The following IL20RB variants were observed in gnomAD, a reference collection of about 807,000 sequenced individuals.
IL20RB encodes interleukin-20 receptor subunit beta.
Under a neutral mutation model 33.3 loss-of-function variants are expected in IL20RB, and 21 were observed. That is an observed-to-expected ratio of 0.63 (90% CI 0.45 to 0.91). IL20RB has a LOEUF of 0.91. IL20RB is among the 40% of genes least tolerant of loss of function. The probability of loss-of-function intolerance (pLI) is 0.00; values close to 1 mark genes in which losing one functional copy is unlikely to be tolerated. For synonymous variants in IL20RB, 147 were observed against 146.8 expected (o/e 1.00, Z -0.01); for missense variants, 345 against 384.8 (o/e 0.90, Z 0.86).
intron 1 of IL20RB, among the ~76,000 whole-genome samples, chr3:136,970,014 TTTTG>T (rs374458054): frequency 8.4e-4 from 127 of 151,992 alleles, no homozygotes; most frequent in Admixed American, 7.9e-4. Context: ...TAGATTGAGG[TTTTG>T]TTTGTTTGTT....
chr3:136,994,699 C>T (rs1035507752), intron 5 of IL20RB, among the ~76,000 whole-genome samples: 8 of 152,256 alleles, frequency 5.3e-5, no homozygotes, highest in African/African-American at 1.2e-4. Flanking sequence ...ATGCTCAGAT[C>T]GGGCCTTTTC....
chr3:136,996,692 T>C (rs1942134594), intron 6 of IL20RB, among the ~76,000 whole-genome samples: 1 of 152,226 alleles, frequency 6.6e-6, no homozygotes, highest in Non-Finnish European at 1.5e-5. Context: ...CTGATACTAG[T>C]ACAGAGCTAA....
intron 5 of IL20RB, among the ~76,000 whole-genome samples, chr3:136,992,464 T>C (rs1165069297): frequency 2.0e-5 from 3 of 152,228 alleles, no homozygotes; most frequent in African/African-American, 7.2e-5. Context: ...TGCTACGTTG[T>C]ATAACACCAC....
chr3:136,987,516 C>T (rs890064687), intron 3 of IL20RB, among the ~76,000 whole-genome samples: 4 of 152,264 alleles, frequency 2.6e-5, no homozygotes, highest in Non-Finnish European at 5.9e-5. Flanking sequence ...AGGAGGCCAG[C>T]TGGCTTCACC....
rs111301551 is a variant in IL20RB at position 136,995,672 on chromosome 3, A to G, written c.825+116A>G. The G allele has an allele frequency of 4.9e-3, 4,587 of 929,416 alleles. 21 individuals carry two copies. The highest frequency in any genetic ancestry group is 6.7e-3 in the Non-Finnish European group (4,037 of 605,180). 57.6% of individuals were successfully genotyped at this position (929,416 alleles called of 1,614,324 possible). A position where few individuals can be genotyped will look rare whatever the true frequency, so the allele number is the denominator to read the frequency against. On this transcript the variant is annotated intron_variant, in intron 6 of 6. Coordinates refer to ENST00000329582, the MANE Select transcript of IL20RB (RefSeq NM_144717.4). ...CTATCATGAGATTATAGGCATCTGC[A>G]CAGAGAGGGGAGAGGAATACTTATA...
chr3:136,975,439 A>G (rs1410307515), intron 1 of IL20RB, among the ~76,000 whole-genome samples: 1 of 152,102 alleles, frequency 6.6e-6, no homozygotes, highest in Non-Finnish European at 1.5e-5. Flanking sequence ...TCCGGGTTCA[A>G]GCAATTCTCC....
At chr3:136,972,393 C>T (rs1180027142) in intron 1 of IL20RB, among the ~76,000 whole-genome samples, 1 of 152,142 alleles carries the variant, frequency 6.6e-6, no homozygotes, top group African/African-American at 2.4e-5. Context: ...ATTAATTCTT[C>T]TTTGTATGTT....
intron 3 of IL20RB, among the ~76,000 whole-genome samples, 156 bp downstream of exon 3, chr3:136,982,506 T>C (rs573743958): frequency 2.5e-4 from 38 of 152,292 alleles, no homozygotes; most frequent in Admixed American, 2.0e-3. Flanking sequence ...ATTTGAAAAA[T>C]TGCCAACTGC....
At chr3:137,003,326 T>A (rs555931815) in intron 6 of IL20RB, among the ~76,000 whole-genome samples, 1 of 152,336 alleles carries the variant, frequency 6.6e-6, no homozygotes, top group African/African-American at 2.4e-5. Flanking sequence ...GGTAGCTTGA[T>A]GGGGATGGCA....
intron 1 of IL20RB, among the ~76,000 whole-genome samples, chr3:136,966,190 T>C (rs966959911): frequency 7.0e-6 from 1 of 142,584 alleles, no homozygotes; most frequent in African/African-American, 2.8e-5. Context: ...GGTTTTGGTA[T>C]CAGAATGATG....
intron 1 of IL20RB, among the ~76,000 whole-genome samples, chr3:136,974,890 A>G (rs1168849644): frequency 6.6e-6 from 1 of 152,162 alleles, no homozygotes; most frequent in Non-Finnish European, 1.5e-5. Flanking sequence ...GATCTAGTCT[A>G]TTGTTGAAGC....
chr3:136,971,154 G>A (rs142831794), intron 1 of IL20RB, among the ~76,000 whole-genome samples: 1,559 of 151,470 alleles, frequency 0.01, 30 homozygotes, highest in African/African-American at 0.035. Context: ...TTTTTGAGAC[G>A]GAGTCTCACT....
At chr3:136,989,218 CATT>C (rs2108207036) in intron 3 of IL20RB, among the ~76,000 whole-genome samples, 1 of 152,324 alleles carries the variant, frequency 6.6e-6, no homozygotes, top group East Asian at 1.9e-4. Context: ...TAGCATTTGT[CATT>C]TGTTTCTTCA....
chr3:136,958,573 G>T (rs1453638327), intron 1 of IL20RB, among the ~76,000 whole-genome samples: 1 of 152,162 alleles, frequency 6.6e-6, no homozygotes, highest in Non-Finnish European at 1.5e-5. Flanking sequence ...TTAAAACAAA[G>T]ATTCTAGCAA....
intron 1 of IL20RB, among the ~76,000 whole-genome samples, chr3:136,978,409 G>A (rs781201931): frequency 9.9e-5 from 15 of 152,046 alleles, no homozygotes; most frequent in African/African-American, 1.7e-4. Flanking sequence ...CAGCTGATCC[G>A]CCTGCCTCGG....
intron 3 of IL20RB, chr3:136,986,920 G>A (rs1941914611): frequency 2.7e-6 from 1 of 373,614 alleles, no homozygotes; most frequent in African/African-American, 2.1e-5. Flanking sequence ...TTCACGGTGA[G>A]TGTTACAGCT....
intron 6 of IL20RB, among the ~76,000 whole-genome samples, chr3:137,001,243 A>G (rs922713219): frequency 6.6e-6 from 1 of 152,318 alleles, no homozygotes; most frequent in Admixed American, 6.5e-5. Context: ...CTCTGTTACC[A>G]TTCTTCCTAC....
intron 3 of IL20RB, among the ~76,000 whole-genome samples, chr3:136,982,948 G>A (rs974573522): frequency 6.6e-6 from 1 of 152,216 alleles, no homozygotes; most frequent in Non-Finnish European, 1.5e-5. Flanking sequence ...AAGGACATGT[G>A]TGTTTGCGGA....
intron 6 of IL20RB, among the ~76,000 whole-genome samples, chr3:137,001,198 C>T (rs1000455567): frequency 4.6e-5 from 7 of 152,188 alleles, no homozygotes; most frequent in African/African-American, 1.2e-4. Flanking sequence ...GGCAGATAGA[C>T]GTCACTACCC....
Sources: gnomAD v4.1 joint callset for allele counts (sites outside exome capture counted in the v4.1 genomes callset) on GRCh38, gnomAD v4.1.1 for gene constraint, MANE v1.5 for transcripts, NCBI Gene and HGNC (gene_info 2026-07-23, HGNC 2026-07-21) for gene names.